Variants in ARHGAP22 observed in about 807,000 individuals in gnomAD.
ARHGAP22 encodes rho GTPase-activating protein 22.
A neutral mutation model predicts 59.1 loss-of-function variants in ARHGAP22; 48 were observed. The observed-to-expected ratio is 0.81, with a 90% CI of 0.64 to 1.03. The LOEUF (loss-of-function observed/expected upper bound fraction) is 1.03, where lower values mean the gene tolerates loss of function less well. ARHGAP22 is among the 50% of genes least tolerant of loss of function. The pLI, the probability that ARHGAP22 is intolerant of heterozygous loss-of-function variation, is 0.00. For synonymous variants in ARHGAP22, 445 were observed against 416.4 expected (o/e 1.07, Z -0.84); for missense variants, 1,015 against 958.7 (o/e 1.06, Z -0.78).
At chr10:48,488,172 C>A (rs2050034723) in intron 3 of ARHGAP22, among the ~76,000 whole-genome samples, 1 of 152,168 alleles carries the variant, frequency 6.6e-6, no homozygotes, top group African/African-American at 2.4e-5. Flanking sequence ...GCCATTAACC[C>A]CACCCAGCAT....
intron 1 of ARHGAP22, among the ~76,000 whole-genome samples, chr10:48,650,633 G>A (rs978667516): frequency 6.6e-6 from 1 of 152,166 alleles, no homozygotes; most frequent in African/African-American, 2.4e-5. Context: ...CATGCAGTAT[G>A]TCCTCTGTCC....
chr10:48,536,609 A>G (rs1034504688), intron 3 of ARHGAP22, among the ~76,000 whole-genome samples: 1 of 152,178 alleles, frequency 6.6e-6, no homozygotes, highest in African/African-American at 2.4e-5. Flanking sequence ...CCAAACCTCA[A>G]AAAACATTTT....
At chr10:48,529,616 G>T (rs2054632227) in intron 3 of ARHGAP22, among the ~76,000 whole-genome samples, 1 of 152,194 alleles carries the variant, frequency 6.6e-6, no homozygotes, top group Non-Finnish European at 1.5e-5. Context: ...TGTGAGTGAG[G>T]CTGTCCTGGA....
At chr10:48,576,162 C>A (rs1353173211) in intron 2 of ARHGAP22, among the ~76,000 whole-genome samples, 2 of 152,214 alleles carry the variant, frequency 1.3e-5, no homozygotes, top group Non-Finnish European at 2.9e-5. Context: ...TATGGGCTCC[C>A]CACTGGGTGT....
chr10:48,621,929 T>C (rs1784469767), intron 1 of ARHGAP22, among the ~76,000 whole-genome samples: 1 of 152,224 alleles, frequency 6.6e-6, no homozygotes, highest in South Asian at 2.1e-4. Context: ...ATTTCTGTCC[T>C]AAAGTCTCTT....
chr10:48,476,248 G>C (rs1039855306), intron 4 of ARHGAP22, among the ~76,000 whole-genome samples: 1 of 152,196 alleles, frequency 6.6e-6, no homozygotes. Context: ...AGGCACTCCA[G>C]CTGTGGCCAC....
At chr10:48,579,953 T>C (rs1002645879) in intron 2 of ARHGAP22, among the ~76,000 whole-genome samples, 4 of 152,202 alleles carry the variant, frequency 2.6e-5, no homozygotes, top group Admixed American at 6.5e-5. Flanking sequence ...TGAATCAAAA[T>C]TGACCGACAG....
intron 1 of ARHGAP22, among the ~76,000 whole-genome samples, chr10:48,628,466 C>G (rs181087442): frequency 6.6e-6 from 1 of 152,282 alleles, no homozygotes; most frequent in South Asian, 2.1e-4. Flanking sequence ...CACCAGGTGG[C>G]TCCTGTCTGT....
chr10:48,515,537 C>G (rs10857589), intron 3 of ARHGAP22, among the ~76,000 whole-genome samples: 1 of 151,926 alleles, frequency 6.6e-6, no homozygotes, highest in South Asian at 2.1e-4. Context: ...AACAAGGAAA[C>G]AGAAGACTTG....
At position 48,583,093 on chromosome 10, in the gene ARHGAP22, G is replaced by C; in HGVS notation, c.94C>G (p.Pro32Ala). Residue 32 changes from proline (P) to alanine (A), a missense_variant, in exon 2 of 10, where the codon CCT (proline) becomes GCT (alanine). Coordinates refer to ENST00000249601, the MANE Select transcript of ARHGAP22 (RefSeq NM_021226.4). ...QSRSPGRMPC[P>A]HRLGPVLKAG... ...TTCAGCACGGGGCCCAGCCTGTGAGGGCACGGCATCCGCCCAGGGCTCCGG... is the reference window on the plus strand; with the variant it reads ...TTCAGCACGGGGCCCAGCCTGTGAGCGCACGGCATCCGCCCAGGGCTCCGG... The C allele has an allele frequency of 6.2e-7, 1 of 1,614,268 alleles. No homozygotes were observed. The highest frequency in any genetic ancestry group is 8.5e-7 in the Non-Finnish European group (1 of 1,180,054).
upstream of ARHGAP22, among the ~76,000 whole-genome samples, chr10:48,606,201 C>A (rs1438048638): frequency 6.6e-6 from 1 of 152,180 alleles, no homozygotes; most frequent in Non-Finnish European, 1.5e-5. Context: ...CCTCGAGTGC[C>A]CCATGTCCAC....
At chr10:48,618,237 G>A (rs1254559483) in intron 1 of ARHGAP22, among the ~76,000 whole-genome samples, 3 of 151,850 alleles carry the variant, frequency 2.0e-5, no homozygotes, top group Non-Finnish European at 2.9e-5. Flanking sequence ...AAAAGCCCAG[G>A]ACCTAATGCA....
At chr10:48,499,792 T>C (rs1295531158) in intron 3 of ARHGAP22, among the ~76,000 whole-genome samples, 2 of 152,204 alleles carry the variant, frequency 1.3e-5, no homozygotes, top group Non-Finnish European at 2.9e-5. Context: ...AATTAATATA[T>C]AAAAAGAACA....
chr10:48,472,980 A>G (rs1416211875), intron 4 of ARHGAP22, among the ~76,000 whole-genome samples: 1 of 152,228 alleles, frequency 6.6e-6, no homozygotes, highest in Non-Finnish European at 1.5e-5. Flanking sequence ...TGATCTAGCA[A>G]TCCCACTTCT....
intron 3 of ARHGAP22, among the ~76,000 whole-genome samples, chr10:48,534,227 G>A (rs1363055960): frequency 2.6e-5 from 4 of 152,230 alleles, no homozygotes; most frequent in Admixed American, 6.5e-5. Context: ...AAGGGGAATC[G>A]TTGGGGAGAA....
intron 9 of ARHGAP22, 134 bp downstream of exon 9, chr10:48,450,127 A>C (rs981279368): frequency 9.3e-6 from 12 of 1,293,460 alleles, no homozygotes; most frequent in Non-Finnish European, 1.2e-5. Flanking sequence ...TCCCAGAGCT[A>C]GGATTCCCCT....
chr10:48,603,778 G>T (rs1005786423), intron 1 of ARHGAP22, among the ~76,000 whole-genome samples: 3 of 152,228 alleles, frequency 2.0e-5, no homozygotes, highest in Admixed American at 2.0e-4. Context: ...TGGAAGGCTG[G>T]TCCCATCCAG....
intron 1 of ARHGAP22, among the ~76,000 whole-genome samples, chr10:48,612,202 C>T (rs926976427): frequency 2.0e-5 from 3 of 152,092 alleles, no homozygotes; most frequent in Admixed American, 2.0e-4. Flanking sequence ...TCCAAGTTGA[C>T]AAACTCCCTC....
At chr10:48,501,997 T>C (rs1250467484) in intron 3 of ARHGAP22, among the ~76,000 whole-genome samples, 1 of 152,214 alleles carries the variant, frequency 6.6e-6, no homozygotes, top group Non-Finnish European at 1.5e-5. Flanking sequence ...CACAGATGAC[T>C]GTCTTGATTG....
Sources: allele counts gnomAD v4.1 joint callset (sites outside exome capture counted in the v4.1 genomes callset), GRCh38; gene constraint gnomAD v4.1.1; transcripts MANE v1.5; gene names NCBI Gene and HGNC (gene_info 2026-07-23, HGNC 2026-07-21).